Variants in MACF1 observed in about 807,000 individuals in gnomAD.
The protein encoded by MACF1 is microtubule actin crosslinking factor 1.
MACF1 carries 193 observed loss-of-function variants against 854.8 expected under a neutral mutation model. The ratio of observed to expected loss-of-function variants is 0.23; its 90% CI spans 0.20 to 0.25. The LOEUF (loss-of-function observed/expected upper bound fraction) is 0.25, where lower values mean the gene tolerates loss of function less well. Ranked by LOEUF, MACF1 falls within the 10% of genes least tolerant of loss-of-function variation. The pLI is 1.00. For synonymous variants in MACF1, 3,185 were observed against 3,226.7 expected (o/e 0.99, Z 0.44); for missense variants, 7,722 against 8,929.1 (o/e 0.86, Z 5.45).
At chr1:39,200,968 G>A (rs1443310985), upstream of MACF1, among the ~76,000 whole-genome samples, 1 of 152,068 alleles carries the variant, frequency 6.6e-6, no homozygotes, top group Admixed American at 6.6e-5. Context: ...CAAACCTAAT[G>A]TTATTCAAAA....
chr1:39,188,732 G>C (rs1391428770), intron 2 of MACF1, among the ~76,000 whole-genome samples: 1 of 152,236 alleles, frequency 6.6e-6, no homozygotes, highest in Non-Finnish European at 1.5e-5. Flanking sequence ...AGCCTCCCAA[G>C]TAGCTGGGAT....
intron 58 of MACF1, among the ~76,000 whole-genome samples, chr1:39,393,634 C>T (rs991204518): frequency 1.1e-4 from 17 of 151,822 alleles, no homozygotes; most frequent in African/African-American, 3.1e-4. Flanking sequence ...CAAAATGAGG[C>T]GGCCCTTCTA....
At chr1:39,284,301 G>A in intron 10 of MACF1, 32 bp from the exon 11 acceptor site, 2 of 1,564,176 alleles carry the variant, frequency 1.3e-6, no homozygotes, top group Non-Finnish European at 1.7e-6. Flanking sequence ...TATAGTTTGT[G>A]TCCATTTATT....
At chr1:39,269,702 A>T in intron 6 of MACF1, 1 of 1,289,654 alleles carries the variant, frequency 7.8e-7, no homozygotes, top group Non-Finnish European at 1.0e-6. Flanking sequence ...GCCACACCCC[A>T]TCATGGGGTC....
chr1:39,248,936 C>T (rs553322950), intron 2 of MACF1, among the ~76,000 whole-genome samples: 179 of 152,160 alleles, frequency 1.2e-3, no homozygotes, highest in African/African-American at 4.1e-3. Context: ...CCACATTGCC[C>T]AGGCTGATCT....
intron 93 of MACF1, 39 bp downstream of exon 93, chr1:39,462,076 G>A: frequency 1.2e-6 from 2 of 1,603,144 alleles, no homozygotes; most frequent in Non-Finnish European, 1.7e-6. Context: ...ACTTCTGGCT[G>A]TAGGTTTGTA....
chr1:39,102,484 T>G, intron 2 of MACF1, among the ~76,000 whole-genome samples: 1 of 150,228 alleles, frequency 6.7e-6, no homozygotes, highest in African/African-American at 2.5e-5. Context: ...AGCAGAAGCA[T>G]GGGTAGGAGT....
chr1:39,330,961 G>A (rs913996698), intron 36 of MACF1, among the ~76,000 whole-genome samples: 6 of 151,954 alleles, frequency 3.9e-5, no homozygotes, highest in African/African-American at 1.2e-4. Context: ...ACCACACCCA[G>A]CTAATATTTT....
intron 34 of MACF1, 74 bp from the exon 35 acceptor site, chr1:39,324,572 A>G: frequency 4.6e-6 from 6 of 1,316,596 alleles, no homozygotes; most frequent in Non-Finnish European, 6.3e-6. Context: ...AGGATTTAAA[A>G]AAATAATTTT....
chr1:39,419,797 T>TTG (rs1251258300), intron 58 of MACF1, among the ~76,000 whole-genome samples: 6 of 82,740 alleles, frequency 7.3e-5, no homozygotes, highest in Admixed American at 4.7e-4. Context: ...CATGCCTGGC[T>TTG]AGTGTGTGTG....
rs1647849164 is a variant in MACF1 at position 39,359,171 on chromosome 1, G to A, written c.12151G>A (p.Val4051Ile). ...QLQEELAEHQ[V>I]PVEKLQKVAR... The stretch of plus-strand genomic sequence containing the variant: ...GCAGGAGGAATTGGCTGAGCACCAA[G>A]TACCTGTGGAAAAACTCCAAAAAGT... The change falls in exon 47 of 101, where the codon GTA (valine) becomes ATA (isoleucine). Residue 4051 changes from valine (V) to isoleucine (I), a missense_variant. By Grantham distance (29) the Val-to-Ile change is conservative. Coordinates refer to ENST00000564288, the MANE Select transcript of MACF1 (RefSeq NM_001394062.1). 2 of 1,614,078 alleles carry A rather than the reference G, an allele frequency of 1.2e-6. No homozygotes were observed. The highest frequency in any genetic ancestry group is 1.7e-6 in the Non-Finnish European group (2 of 1,180,012).
intron 7 of MACF1, 49 bp downstream of exon 7, chr1:39,282,423 T>G (rs761966596): frequency 1.3e-6 from 2 of 1,550,768 alleles, no homozygotes; most frequent in South Asian, 1.2e-5. Context: ...TTCTCATCTC[T>G]TGTTTGTAAT....
intron 40 of MACF1, among the ~76,000 whole-genome samples, chr1:39,341,861 G>A (rs958982512): frequency 2.7e-5 from 4 of 150,800 alleles, no homozygotes; most frequent in Non-Finnish European, 4.4e-5. Flanking sequence ...TTTTGACCAC[G>A]ATCCAATCCT....
At position 39,381,998 on chromosome 1, in the gene MACF1, G is replaced by A. The variant is rs1452443754; in HGVS notation, c.13694G>A (p.Arg4565Lys). Residue 4565 changes from arginine to lysine, a missense_variant, in exon 56 of 101, where the codon AGG becomes AAG. This residue lies in a region of MACF1 where 2,807 missense variants were observed against 3,235.8 expected (regional missense o/e 0.87). Coordinates refer to ENST00000564288, the MANE Select transcript of MACF1 (RefSeq NM_001394062.1). Reference sequence around the variant, plus strand: ...ACTGAGGTTACTGTGGCTCGGCAAAGGCAGCTAGAGGAATCTGCAAGTCAT... The same window carrying A: ...ACTGAGGTTACTGTGGCTCGGCAAAAGCAGCTAGAGGAATCTGCAAGTCAT... ...RATEVTVARQ[R>K]QLEESASHLA... 3.1e-6 allele frequency: 5 copies of A among 1,614,074 alleles called. No individual in the cohort carries two copies. In the South Asian group the frequency reaches 5.5e-5, roughly 18 times the overall value.
Position 39,297,605 on chromosome 1 carries a change from T to G in MACF1, c.2356-15T>G. ...TGTTTTGAGCAGAAGGCATCCTTACTTTGTATTCCCATAGTTCTTCAGTGA... is the reference window on the plus strand; with the variant it reads ...TGTTTTGAGCAGAAGGCATCCTTACGTTGTATTCCCATAGTTCTTCAGTGA... On this transcript the variant is annotated splice_polypyrimidine_tract_variant and intron_variant, in intron 20 of 100. Coordinates refer to ENST00000564288, the MANE Select transcript of MACF1 (RefSeq NM_001394062.1). 6.2e-7 allele frequency: 1 copy of G among 1,614,122 alleles called. No homozygotes were observed. Among genetic ancestry groups the G allele is most frequent in the Non-Finnish European group, 8.5e-7 (1 of 1,179,968 alleles).
chr1:39,308,139 C>T (rs1475812818), intron 23 of MACF1, among the ~76,000 whole-genome samples: 1 of 151,864 alleles, frequency 6.6e-6, no homozygotes, highest in East Asian at 1.9e-4. Flanking sequence ...CTCTTGACCT[C>T]GTGATCTGCC....
At position 39,378,286 on chromosome 1, in the gene MACF1, G is replaced by A. The variant is rs663449; in HGVS notation, c.13214-175G>A. On this transcript the variant is annotated intron_variant, in intron 52 of 100. Transcript: ENST00000564288. ...ATTCCTGCTAAGAACCTTGAGTGAC[G>A]TTTTGTTGCCTGGCAGCTAAAATAA... Among the ~76,000 whole-genome samples, 61,292 of 152,074 alleles carry A rather than the reference G, an allele frequency of 0.4. 14,439 individuals carry two copies. The highest frequency in any genetic ancestry group is 0.66 in the African/African-American group (27,512 of 41,476).
rs201774392 is a variant in MACF1, at chr1:39,283,198, A to G, written c.705A>G (p.Leu235=). 2.5e-6 allele frequency: 4 copies of G among 1,609,962 alleles called. No homozygotes were observed. Among genetic ancestry groups the G allele is most frequent in the Middle Eastern group, 1.6e-4 (1 of 6,066 alleles). ...NALIHRYRPD[L]VDMERVQIQS... is the part of the protein sequence containing the mutation. ...TGCTGGACTTTTACAGACCCGATCT[A>G]GTAGACATGGAGAGGGTGCAAATCC... The change falls in exon 8 of 101, where the codon CTA becomes CTG. Residue 235 remains leucine, a synonymous_variant. Coordinates refer to ENST00000564288, the MANE Select transcript of MACF1 (RefSeq NM_001394062.1). The surrounding 1 kb of genome is among the most constrained non-coding windows in gnomAD (Gnocchi z 4.5).
chr1:39,448,283 C>T, intron 83 of MACF1, 131 bp downstream of exon 83: 1 of 1,048,868 alleles, frequency 9.5e-7, no homozygotes, highest in South Asian at 1.7e-5. Context: ...AATGATGAAG[C>T]CAGGGTTCCA....
Sources: gnomAD v4.1 joint callset for allele counts (sites outside exome capture counted in the v4.1 genomes callset) on GRCh38, gnomAD v4.1.1 for gene constraint, gnomAD v4.1.1 regional missense constraint, Gnocchi (gnomAD v3.1) non-coding constraint, MANE v1.5 for transcripts, NCBI Gene and HGNC (gene_info 2026-07-23, HGNC 2026-07-21) for gene names.